Variants in RAPGEF2 observed in about 807,000 individuals in gnomAD.
RAPGEF2 encodes PDZ domain containing guanine nucleotide exchange factor (GEF) 1.
In RAPGEF2, 54 loss-of-function variants were observed where a neutral mutation model predicts 186.7. That is an observed-to-expected ratio of 0.29 (90% CI 0.23 to 0.36). RAPGEF2 has a LOEUF of 0.36. Ranked by LOEUF, RAPGEF2 falls within the 10% of genes least tolerant of loss-of-function variation. The probability of loss-of-function intolerance (pLI) is 1.00; values close to 1 mark genes in which losing one functional copy is unlikely to be tolerated. For missense variants in RAPGEF2, 1,532 were observed against 2,045.0 expected (o/e 0.75, Z 4.84); for synonymous variants, 712 against 705.9 (o/e 1.01, Z -0.14).
At position 159,331,491 on chromosome 4, in the gene RAPGEF2, G is replaced by T. The variant is rs757638365; in HGVS notation, c.1528G>T (p.Ala510Ser). ...CTTCAATGACTTTGAAGGAGATCCT[G>T]CAATGACTCGATTTTTAGAAGAATT... ...NHFNDFEGDP[A>S]MTRFLEEFEN... The change falls in exon 14 of 30, where the codon GCA becomes TCA. Residue 510 changes from alanine (A) to serine (S), a missense_variant. By Grantham distance (99) the Ala-to-Ser change is moderately conservative. Transcript: ENST00000691494. 6.2e-7 allele frequency: 1 copy of T among 1,613,520 alleles called. No individual in the cohort carries two copies. Among genetic ancestry groups the T allele is most frequent in the Non-Finnish European group, 8.5e-7 (1 of 1,179,574 alleles).
At chr4:159,261,987 T>C (rs1486936962) in intron 7 of RAPGEF2, among the ~76,000 whole-genome samples, 6 of 152,238 alleles carry the variant, frequency 3.9e-5, no homozygotes, top group African/African-American at 1.4e-4. Context: ...TATCAAATTA[T>C]TTAAAACTCT....
intron 6 of RAPGEF2, among the ~76,000 whole-genome samples, chr4:159,243,299 G>A (rs1399218182): frequency 6.6e-6 from 1 of 151,326 alleles, no homozygotes. Context: ...ATGGTCATAA[G>A]GATTGCATCC....
intron 1 of RAPGEF2, among the ~76,000 whole-genome samples, chr4:159,164,267 G>GT (rs909770198): frequency 3.9e-4 from 58 of 150,062 alleles, no homozygotes; most frequent in Non-Finnish European, 7.1e-4. Context: ...GCCTCCCAAA[G>GT]TGCTGGGATT....
chr4:159,123,917 G>A (rs956040559), intron 1 of RAPGEF2, among the ~76,000 whole-genome samples: 3 of 151,984 alleles, frequency 2.0e-5, no homozygotes, highest in African/African-American at 2.4e-5. Context: ...GTGCAGTGGC[G>A]TGTTCTCGTC....
rs112549983 is a variant in RAPGEF2 at position 159,232,066 on chromosome 4, C to T, written c.282-6743C>T. On this transcript the variant is annotated intron_variant, in intron 4 of 29. Coordinates refer to ENST00000691494, the MANE Select transcript of RAPGEF2 (RefSeq NM_001394067.2). ...AAGTCCCAGATTTTTGCCAGTAAAC[C>T]CAGATATCCTGTCTATAGTTTCTTT... is the stretch of plus-strand genomic sequence containing the variant. Among the ~76,000 whole-genome samples the T allele has an allele frequency of 3.5e-3, 528 of 152,060 alleles. 2 individuals carry two copies. The highest frequency in any genetic ancestry group is 0.012 in the African/African-American group (478 of 41,492).
intron 1 of RAPGEF2, among the ~76,000 whole-genome samples, chr4:159,126,127 A>G (rs1169321304): frequency 6.6e-6 from 1 of 152,148 alleles, no homozygotes; most frequent in Non-Finnish European, 1.5e-5. Context: ...ATTATCCTCA[A>G]TTTTTATGTT....
chr4:159,341,905 G>A lies in RAPGEF2; in HGVS notation c.2876G>A (p.Cys959Tyr). The change falls in exon 20 of 30, where the codon TGT (cysteine) becomes TAT (tyrosine). Residue 959 changes from cysteine (C) to tyrosine (Y), a missense_variant. This residue lies in a region of RAPGEF2 where 810 missense variants were observed against 1,210.5 expected (regional missense o/e 0.67). Coordinates refer to ENST00000691494, the MANE Select transcript of RAPGEF2 (RefSeq NM_001394067.2). Reference protein sequence around the residue: ...IKHFIKIALHCRECKNFNSMF... With the variant: ...IKHFIKIALHYRECKNFNSMF... Reference sequence around the variant, plus strand: ...CATTTCATCAAGATAGCACTGCACTGTAGGGAATGCAAGAATTTTAACTCA... The same window carrying A: ...CATTTCATCAAGATAGCACTGCACTATAGGGAATGCAAGAATTTTAACTCA... 6.2e-7 allele frequency: 1 copy of A among 1,600,890 alleles called. No individual in the cohort carries two copies. Among genetic ancestry groups the A allele is most frequent in the Non-Finnish European group, 8.5e-7 (1 of 1,175,570 alleles).
intron 7 of RAPGEF2, among the ~76,000 whole-genome samples, chr4:159,254,475 A>G (rs565390636): frequency 2.0e-5 from 3 of 152,084 alleles, no homozygotes; most frequent in Admixed American, 6.5e-5. Context: ...TTTTATTTGC[A>G]TAATATAATA....
At chr4:159,273,631 T>C (rs1177178642) in intron 7 of RAPGEF2, among the ~76,000 whole-genome samples, 2 of 7,136 alleles carry the variant, frequency 2.8e-4, no homozygotes, top group South Asian at 5.1e-3. Context: ...AATCAGTTTC[T>C]TTCTTTCTTT....
intron 11 of RAPGEF2, among the ~76,000 whole-genome samples, chr4:159,325,928 T>A (rs1271630234): frequency 6.6e-6 from 1 of 152,174 alleles, no homozygotes; most frequent in African/African-American, 2.4e-5. Flanking sequence ...AAGAAAACTC[T>A]GATTAAGATA....
intron 12 of RAPGEF2, 37 bp from the exon 13 acceptor site, chr4:159,330,283 GTGTGTGTGTGTGTA>G (rs777011375): frequency 9.1e-6 from 8 of 880,558 alleles, no homozygotes; most frequent in Admixed American, 4.8e-5. Context: ...GTGTGTGTGT[GTGTGTGTGTGTGTA>G]TATATATGTA....
intron 1 of RAPGEF2, among the ~76,000 whole-genome samples, chr4:159,104,515 A>AGAGAGAGAGAGAGAGAGAGAGAGAGAGG (rs1560964586): frequency 4.6e-5 from 6 of 130,392 alleles, no homozygotes; most frequent in African/African-American, 2.0e-4. Flanking sequence ...AGAGAGAGAG[A>AGAGAGAGAGAGAGAGAGAGAGAGAGAGG]GAGAGAGAGA....
chr4:159,113,449 A>G (rs1738716442), intron 1 of RAPGEF2, among the ~76,000 whole-genome samples: 1 of 152,094 alleles, frequency 6.6e-6, no homozygotes. Context: ...ACTTTTTAAG[A>G]CATCTTTTAG....
At chr4:159,131,519 A>G (rs866921595) in intron 1 of RAPGEF2, among the ~76,000 whole-genome samples, 9 of 37,182 alleles carry the variant, frequency 2.4e-4, no homozygotes, top group South Asian at 8.9e-4. Context: ...ATTAATTGCT[A>G]TTTTTTTTTT....
intron 7 of RAPGEF2, among the ~76,000 whole-genome samples, chr4:159,290,069 C>A (rs552674262): frequency 6.6e-6 from 1 of 152,010 alleles, no homozygotes; most frequent in Non-Finnish European, 1.5e-5. Flanking sequence ...ATTTTCCTAT[C>A]GTGTTTTAAA....
chr4:159,256,740 G>T (rs1357761204), intron 7 of RAPGEF2, among the ~76,000 whole-genome samples: 1 of 152,100 alleles, frequency 6.6e-6, no homozygotes, highest in East Asian at 1.9e-4. Flanking sequence ...CAGCTATTCT[G>T]ATTGGTGTGA....
intron 3 of RAPGEF2, among the ~76,000 whole-genome samples, chr4:159,194,568 A>G (rs1430594053): frequency 6.6e-6 from 1 of 152,186 alleles, no homozygotes; most frequent in Non-Finnish European, 1.5e-5. Flanking sequence ...GTTCATCCAT[A>G]ATTATTATGA....
In RAPGEF2 at chr4:159,238,855, A is replaced by C. The variant is rs924269652; in HGVS notation, c.328A>C (p.Ile110Leu). The C allele has an allele frequency of 4.0e-5, 61 of 1,524,954 alleles. No homozygotes were observed. The highest frequency in any genetic ancestry group is 5.3e-5 in the Non-Finnish European group (61 of 1,143,842). The allele number at this position is 1,524,954 out of a possible 1,614,324, so 94.5% of individuals were successfully genotyped here. A position where few individuals can be genotyped will look rare whatever the true frequency, so the allele number is the denominator to read the frequency against. Reference sequence around the variant, plus strand: ...AAGTTTTAGGCGTGGCTGTGAATGCATTGTTTTAGAGCCTTCTGAAATGAT... The same window carrying C: ...AAGTTTTAGGCGTGGCTGTGAATGCCTTGTTTTAGAGCCTTCTGAAATGAT... ...AGSFRRGCEC[I>L]VLEPSEMIVV... Residue 110 changes from isoleucine to leucine, a missense_variant, in exon 5 of 30, where the codon ATT becomes CTT. Around this residue, in one of 4 missense-constraint regions of RAPGEF2, gnomAD observed 810 missense variants for 1,210.5 expected, o/e 0.67. Coordinates refer to ENST00000691494, the MANE Select transcript of RAPGEF2 (RefSeq NM_001394067.2).
At chr4:159,263,737 A>G (rs1209830478) in intron 7 of RAPGEF2, among the ~76,000 whole-genome samples, 2 of 152,262 alleles carry the variant, frequency 1.3e-5, no homozygotes, top group Non-Finnish European at 2.9e-5. Flanking sequence ...TAAACACTGT[A>G]TATGTTCTAA....
Sources: gnomAD v4.1 joint callset for allele counts (sites outside exome capture counted in the v4.1 genomes callset) on GRCh38, gnomAD v4.1.1 for gene constraint, gnomAD v4.1.1 regional missense constraint, MANE v1.5 for transcripts, NCBI Gene and HGNC (gene_info 2026-07-23, HGNC 2026-07-21) for gene names.